Variants in PLD5 observed in about 807,000 individuals in gnomAD.
PLD5 encodes phospholipase D family member 5.
A neutral mutation model predicts 61.1 loss-of-function variants in PLD5; 36 were observed. That is an observed-to-expected ratio of 0.59 (90% CI 0.45 to 0.78). The LOEUF is 0.78. Among genes scored for constraint, PLD5 ranks in the 30% least tolerant of loss-of-function variants. PLD5 has a pLI of 0.00. For synonymous variants in PLD5, 243 were observed against 242.8 expected (o/e 1.00, Z -0.01); for missense variants, 515 against 644.4 (o/e 0.80, Z 2.17).
chr1:242,172,317 C>T (rs960924128), intron 5 of PLD5, among the ~76,000 whole-genome samples: 1 of 152,210 alleles, frequency 6.6e-6, no homozygotes, highest in Non-Finnish European at 1.5e-5. Context: ...TAAAGATGTT[C>T]TTTGAAACCA....
At chr1:242,425,418 T>C (rs1164196484) in intron 1 of PLD5, among the ~76,000 whole-genome samples, 1 of 152,004 alleles carries the variant, frequency 6.6e-6, no homozygotes, top group African/African-American at 2.4e-5. Flanking sequence ...GCATAAACAA[T>C]TAAAATGGTA....
Position 242,456,808 on chromosome 1 carries a change from A to G in PLD5, c.189+67280T>C, listed in dbSNP as rs964308609. 3.9e-5 allele frequency among the ~76,000 whole-genome samples: 6 copies of G among 152,228 alleles called. No individual in the cohort carries two copies. The South Asian group carries it at 1.2e-3, about 31-fold the overall frequency. On this transcript the variant is annotated intron_variant, in intron 1 of 9. Transcript: ENST00000536534. Reference sequence around the variant, plus strand: ...TTTCCACGCTGGAACACAGACCTGGAGTCCAGAAGCAGCTTTCTTTTCAGA... The same window carrying G: ...TTTCCACGCTGGAACACAGACCTGGGGTCCAGAAGCAGCTTTCTTTTCAGA...
intron 1 of PLD5, among the ~76,000 whole-genome samples, chr1:242,396,734 G>GTAA (rs1663604958): frequency 6.8e-6 from 1 of 146,442 alleles, no homozygotes; most frequent in South Asian, 2.2e-4. Flanking sequence ...GTGCAGTGGC[G>GTAA]TAATCTTGGC....
chr1:242,344,165 G>T (rs1320915133), intron 2 of PLD5, among the ~76,000 whole-genome samples: 1 of 152,184 alleles, frequency 6.6e-6, no homozygotes, highest in Non-Finnish European at 1.5e-5. Context: ...CTTAATTTTT[G>T]TTGCTATTTC....
intron 1 of PLD5, among the ~76,000 whole-genome samples, chr1:242,385,123 A>G (rs1046527850): frequency 6.6e-5 from 10 of 152,216 alleles, no homozygotes; most frequent in African/African-American, 2.4e-4. Context: ...ATACTTAATG[A>G]CTATAAGTCA....
At chr1:242,217,158 C>T (rs1339549500) in intron 5 of PLD5, among the ~76,000 whole-genome samples, 2 of 152,226 alleles carry the variant, frequency 1.3e-5, no homozygotes, top group African/African-American at 4.8e-5. Context: ...ATGTTGTCTA[C>T]ATGTCTGATA....
intron 1 of PLD5, among the ~76,000 whole-genome samples, chr1:242,423,254 A>G (rs1311797768): frequency 1.3e-5 from 2 of 152,170 alleles, no homozygotes; most frequent in Non-Finnish European, 2.9e-5. Context: ...AGGAATGGCT[A>G]TGCACAGCAG....
chr1:242,210,964 A>G (rs1328132478), intron 5 of PLD5: 1 of 152,238 alleles, frequency 6.6e-6, no homozygotes, highest in African/African-American at 2.4e-5. Context: ...AAAGTTGCAA[A>G]AGAGACATTG....
intron 2 of PLD5, among the ~76,000 whole-genome samples, chr1:242,320,685 C>T (rs1401327962): frequency 6.6e-6 from 1 of 152,052 alleles, no homozygotes; most frequent in Non-Finnish European, 1.5e-5. Context: ...CAGAAGCCAA[C>T]GTATCATAAG....
At chr1:242,229,780 C>G (rs1353091683) in intron 4 of PLD5, among the ~76,000 whole-genome samples, 2 of 151,936 alleles carry the variant, frequency 1.3e-5, no homozygotes, top group East Asian at 3.9e-4. Flanking sequence ...TTCTAGATTC[C>G]TTGGGATTCT....
intron 1 of PLD5, among the ~76,000 whole-genome samples, chr1:242,508,317 G>A (rs1668794855): frequency 6.6e-6 from 1 of 151,906 alleles, no homozygotes; most frequent in Admixed American, 6.6e-5. Flanking sequence ...AGGCTGCAGT[G>A]AGCTGAGATC....
intron 5 of PLD5, among the ~76,000 whole-genome samples, chr1:242,159,408 T>A (rs1665651447): frequency 6.6e-6 from 1 of 152,176 alleles, no homozygotes; most frequent in Non-Finnish European, 1.5e-5. Flanking sequence ...AGGTCTCTCC[T>A]TTGCACTGCA....
At chr1:242,195,047 A>T (rs1261044052) in intron 5 of PLD5, among the ~76,000 whole-genome samples, 1 of 152,202 alleles carries the variant, frequency 6.6e-6, no homozygotes, top group East Asian at 1.9e-4. Context: ...AAAATAAAAA[A>T]CAGAGATAAC....
chr1:242,417,239 CAG>C (rs1232990489), intron 1 of PLD5, among the ~76,000 whole-genome samples: 2 of 152,250 alleles, frequency 1.3e-5, no homozygotes, highest in East Asian at 1.9e-4. Flanking sequence ...GGACTAAACT[CAG>C]GGGGCAAGAC....
chr1:242,130,799 T>C (rs369864224), intron 5 of PLD5, among the ~76,000 whole-genome samples: 2 of 152,190 alleles, frequency 1.3e-5, no homozygotes, highest in Non-Finnish European at 2.9e-5. Flanking sequence ...AGTTAAATGA[T>C]TGACTGAATG....
rs547146992 is a variant in PLD5, at chr1:242,223,235, C to G, written c.608-3120G>C. 7.2e-5 allele frequency among the ~76,000 whole-genome samples: 11 copies of G among 152,304 alleles called. No individual in the cohort carries two copies. The South Asian group carries it at 2.3e-3, about 32-fold the overall frequency. On this transcript the variant is annotated intron_variant, in intron 4 of 9. Coordinates refer to ENST00000536534, the MANE Select transcript of PLD5 (RefSeq NM_001372062.1). ...CATTCATGAGGGTTTTGCTGCTTTC[C>G]TAACCCAGTCACTGCCAAATCTCTC... is the stretch of plus-strand genomic sequence containing the variant.
chr1:242,277,158 G>A (rs531752350), intron 3 of PLD5, among the ~76,000 whole-genome samples: 10 of 152,280 alleles, frequency 6.6e-5, no homozygotes, highest in Non-Finnish European at 1.2e-4. Context: ...GCAGTGTCTG[G>A]AAGAGCACAG....
At chr1:242,321,950 A>G (rs1188032968) in intron 2 of PLD5, among the ~76,000 whole-genome samples, 1 of 152,214 alleles carries the variant, frequency 6.6e-6, no homozygotes, top group African/African-American at 2.4e-5. Context: ...GTTAAGAGGC[A>G]AAAAGAAACC....
At chr1:242,180,869 GCT>G (rs2148900718) in intron 5 of PLD5, among the ~76,000 whole-genome samples, 1 of 152,240 alleles carries the variant, frequency 6.6e-6, no homozygotes, top group South Asian at 2.1e-4. Flanking sequence ...TATGTTCCCA[GCT>G]ACTTGGGAAG....
Sources: allele counts gnomAD v4.1 joint callset (sites outside exome capture counted in the v4.1 genomes callset), GRCh38; gene constraint gnomAD v4.1.1; transcripts MANE v1.5; gene names NCBI Gene and HGNC (gene_info 2026-07-23, HGNC 2026-07-21).